CENPL: variants seen among roughly 807,000 people sequenced by gnomAD.
CENPL encodes centromere protein L.
In CENPL, 20 loss-of-function variants were observed where a neutral mutation model predicts 35.2. The observed-to-expected ratio is 0.57, with a 90% CI of 0.40 to 0.83. CENPL has a LOEUF of 0.83. CENPL is among the 40% of genes least tolerant of loss of function. The pLI, the probability that CENPL is intolerant of heterozygous loss-of-function variation, is 0.00. For synonymous variants in CENPL, 140 were observed against 140.6 expected, an observed-to-expected ratio of 1.00 and a Z score of 0.03; for missense variants, 363 against 395.8, an observed-to-expected ratio of 0.92 and a Z score of 0.70.
rs557642625 is a variant in CENPL, at chr1:173,807,341, T to G, written c.346A>C (p.Asn116His). 4 of 1,613,798 alleles carry G rather than the reference T, an allele frequency of 2.5e-6. No homozygotes were observed. The African/African-American group carries it at 5.3e-5, about 22-fold the overall frequency. Residue 116 changes from asparagine (N) to histidine (H), a missense_variant, in exon 4 of 6, where the codon AAC becomes CAC. By Grantham distance (68) the Asn-to-His change is moderately conservative. Coordinates refer to ENST00000682279, the MANE Select transcript of CENPL (RefSeq NM_001387287.1). The stretch of plus-strand genomic sequence containing the variant: ...AGAGTAGAAAAAATCACTTTGATGT[T>G]GAAGTCTTCTCCCACTTCCACAGCA... ...GLAVEVGEDF[N>H]IKVIFSTLLG...
intron 2 of CENPL, among the ~76,000 whole-genome samples, chr1:173,815,729 C>T (rs966249885): frequency 2.0e-5 from 3 of 152,156 alleles, no homozygotes; most frequent in African/African-American, 7.2e-5. Context: ...CCGCCAATAT[C>T]ATACTGAATG....
rs376283016 is a variant in CENPL at position 173,806,879 on chromosome 1, T to C, written c.420+388A>G. On this transcript the variant is annotated intron_variant, in intron 4 of 5. Coordinates refer to ENST00000682279, the MANE Select transcript of CENPL (RefSeq NM_001387287.1). ...CATGAAGTATCACAAAATTTAATGA[T>C]ATATATTTTTATACTAAAATTCTAC... 4.6e-5 allele frequency among the ~76,000 whole-genome samples: 7 copies of C among 152,100 alleles called. No individual in the cohort carries two copies. The East Asian group carries it at 5.8e-4, about 13-fold the overall frequency.
intron 2 of CENPL, among the ~76,000 whole-genome samples, chr1:173,817,791 T>C (rs889929231): frequency 6.6e-6 from 1 of 152,182 alleles, no homozygotes; most frequent in Non-Finnish European, 1.5e-5. Context: ...TAAGAAAATG[T>C]GGCACATATA....
intron 2 of CENPL, chr1:173,822,767 T>G (rs1167328370): frequency 6.6e-6 from 1 of 152,214 alleles, no homozygotes; most frequent in Non-Finnish European, 1.5e-5. Context: ...AGACAGAGTC[T>G]CACTCTGTCT....
chr1:173,802,033 A>C (rs79527484), intron 5 of CENPL, among the ~76,000 whole-genome samples: 1 of 151,480 alleles, frequency 6.6e-6, no homozygotes, highest in African/African-American at 2.4e-5. Context: ...AAAAAAAAAA[A>C]CAAAAAGCAC....
chr1:173,810,352 G>C (rs975409224), intron 3 of CENPL, among the ~76,000 whole-genome samples: 1 of 152,078 alleles, frequency 6.6e-6, no homozygotes, highest in African/African-American at 2.4e-5. Flanking sequence ...ACACGCTTAG[G>C]CCTGTCGGGG....
At chr1:173,800,874 T>C (rs1283854361) in intron 5 of CENPL, among the ~76,000 whole-genome samples, 1 of 152,190 alleles carries the variant, frequency 6.6e-6, no homozygotes, top group East Asian at 1.9e-4. Flanking sequence ...GGAGGATCAC[T>C]TGAGCCCAAG....
intron 3 of CENPL, chr1:173,808,692 AACAAAAAC>A (rs1334487899): frequency 1.3e-5 from 2 of 152,050 alleles, no homozygotes; most frequent in African/African-American, 2.4e-5. Context: ...TACGATTAAA[AACAAAAAC>A]ACTTCATTTA....
chr1:173,820,605 AATTT>A (rs1425141834), intron 2 of CENPL, among the ~76,000 whole-genome samples: 2 of 152,150 alleles, frequency 1.3e-5, no homozygotes, highest in African/African-American at 4.8e-5. Context: ...TATACCACAC[AATTT>A]ATTTATTTAT....
In CENPL at chr1:173,803,130, C is replaced by T. The variant is rs1172646763; in HGVS notation, c.796G>A (p.Asp266Asn). The T allele has an allele frequency of 6.2e-7, 1 of 1,614,108 alleles. No individual in the cohort carries two copies. The highest frequency in any genetic ancestry group is 8.5e-7 in the Non-Finnish European group (1 of 1,179,972). Residue 266 changes from aspartate to asparagine, a missense_variant, in exon 5 of 6, where the codon GAC becomes AAC. Asp to Asn is a conservative substitution (Grantham distance 23). Transcript: ENST00000682279. ...TCCCCAGGTGTTTTGTGGACACTGTCCCATAGAGCTTTTGCATCCTCTGGA... is the reference window on the plus strand; with the variant it reads ...TCCCCAGGTGTTTTGTGGACACTGTTCCATAGAGCTTTTGCATCCTCTGGA... ...IHPEDAKALW[D>N]SVHKTPGEVT...
chr1:173,815,157 A>G (rs573318326), intron 2 of CENPL, among the ~76,000 whole-genome samples: 61 of 152,360 alleles, frequency 4.0e-4, no homozygotes, highest in African/African-American at 1.4e-3. Context: ...ATCACTGAAT[A>G]GAACAATAAC....
chr1:173,799,828 T>A lies in CENPL; in HGVS notation c.*620A>T, dbSNP rs577569364. ...ATACATCTCATTTGAATCCTAAGAG[T>A]TTAAACATAATAAACGCTGTATTTA... On this transcript the variant is annotated 3_prime_UTR_variant, in exon 6 of 6. Transcript: ENST00000682279. 1.3e-5 allele frequency: 2 copies of A among 152,196 alleles called. No individual in the cohort carries two copies. Among genetic ancestry groups the A allele is most frequent in the Non-Finnish European group, 2.9e-5 (2 of 68,024 alleles). 9.4% of individuals were successfully genotyped at this position (152,196 alleles called of 1,614,324 possible).
rs1363033655 is a variant in CENPL, at chr1:173,803,168, G to A, written c.758C>T (p.Ser253Phe). The A allele has an allele frequency of 6.2e-7, 1 of 1,613,704 alleles. No homozygotes were observed. The highest frequency in any genetic ancestry group is 8.5e-7 in the Non-Finnish European group (1 of 1,179,696). The change falls in exon 5 of 6, where the codon TCT becomes TTT. Residue 253 changes from serine (S) to phenylalanine (F), a missense_variant. Coordinates refer to ENST00000682279, the MANE Select transcript of CENPL (RefSeq NM_001387287.1). ...VPCSPQSLDI[S>F]FAIHPEDAKA... ...TGCATCCTCTGGATGTATTGCGAAA[G>A]AAATGTCCAGACTTTGAGGGCTACA... is the stretch of plus-strand genomic sequence containing the variant.
chr1:173,807,164 T>C (rs1055749405), intron 4 of CENPL, 103 bp downstream of exon 4: 2 of 1,034,320 alleles, frequency 1.9e-6, no homozygotes, highest in Non-Finnish European at 2.6e-6. Flanking sequence ...CCTATATATA[T>C]AGGAAAAAAT....
intron 2 of CENPL, among the ~76,000 whole-genome samples, chr1:173,817,053 G>A (rs569192153): frequency 4.5e-4 from 68 of 152,170 alleles, no homozygotes; most frequent in Admixed American, 2.7e-3. Context: ...CAGGAGAATC[G>A]CTGAACCCAA....
In CENPL at chr1:173,803,614, C is replaced by CA. The variant is rs540136294; in HGVS notation, c.421-110dup. 1,510 of 854,674 alleles carry CA rather than the reference C, an allele frequency of 1.8e-3. 1 individual carries two copies. Among genetic ancestry groups the CA allele is most frequent in the South Asian group, 5.4e-3 (244 of 45,206 alleles). 52.9% of individuals were successfully genotyped at this position (854,674 alleles called of 1,614,324 possible). A position where few individuals can be genotyped will look rare whatever the true frequency, so the allele number is the denominator to read the frequency against. ...ATAAGACGAGCCAATGTAATACTTG[C>CA]AAAAAAAAACATAGAGGGAATAGTC... is the stretch of plus-strand genomic sequence containing the variant. On this transcript the variant is annotated intron_variant, in intron 4 of 5. Transcript: ENST00000682279.
At chr1:173,820,427 G>C (rs1004170364) in intron 2 of CENPL, among the ~76,000 whole-genome samples, 2 of 152,166 alleles carry the variant, frequency 1.3e-5, no homozygotes, top group South Asian at 4.2e-4. Flanking sequence ...GAGGCAGGAG[G>C]AGTGCTTGAG....
At position 173,811,326 on chromosome 1, in the gene CENPL, AC is replaced by A; in HGVS notation, c.-7-21del. The A allele has an allele frequency of 6.5e-7, 1 of 1,549,016 alleles. No homozygotes were observed. ...GTCTGTCTGCATAAGAAGAAACAAAACCAGAATTCTAAGCACTAAAAAGTTA... is the reference window on the plus strand; with the variant it reads ...GTCTGTCTGCATAAGAAGAAACAAAACAGAATTCTAAGCACTAAAAAGTTA... On this transcript the variant is annotated intron_variant, in intron 2 of 5. Transcript: ENST00000682279.
In CENPL at chr1:173,807,592, C is replaced by T. The variant is rs540766132; in HGVS notation, c.169-74G>A. The T allele has an allele frequency of 1.3e-5, 16 of 1,208,948 alleles. No individual in the cohort carries two copies. In the South Asian group the frequency reaches 2.5e-4, roughly 19 times the overall value. 74.9% of individuals were successfully genotyped at this position (1,208,948 alleles called of 1,614,324 possible). ...AAGAATTTAATCATAGCATTTAAAA[C>T]ATCTAATACAAATATATTATTGAGT... is the stretch of plus-strand genomic sequence containing the variant. On this transcript the variant is annotated intron_variant, in intron 3 of 5. Transcript: ENST00000682279.
Sources: allele counts gnomAD v4.1 joint callset (sites outside exome capture counted in the v4.1 genomes callset), GRCh38; gene constraint gnomAD v4.1.1; transcripts MANE v1.5; gene names NCBI Gene and HGNC (gene_info 2026-07-23, HGNC 2026-07-21).